The following SELENOF variants were observed in gnomAD, a reference collection of about 807,000 sequenced individuals.
SELENOF encodes the protein selenoprotein F.
Under a neutral mutation model 20.5 loss-of-function variants are expected in SELENOF, and 16 were observed. The observed-to-expected ratio is 0.78, with a 90% CI of 0.53 to 1.19. The LOEUF (loss-of-function observed/expected upper bound fraction) is 1.19. SELENOF is among the 50% of genes most tolerant of loss of function. SELENOF has a pLI of 0.00. For synonymous variants in SELENOF, 78 were observed against 74.5 expected, an observed-to-expected ratio of 1.05 and a Z score of -0.24; for missense variants, 215 against 194.2, an observed-to-expected ratio of 1.11 and a Z score of -0.64.
rs147763840 is a variant in SELENOF at position 86,909,897 on chromosome 1, C to T, written c.84+4131G>A. Among the ~76,000 whole-genome samples, 1,150 of 152,206 alleles carry T rather than the reference C, an allele frequency of 7.6e-3. 15 individuals are homozygous for T. The highest frequency in any genetic ancestry group is 0.02 in the Middle Eastern group (6 of 294). On this transcript the variant is annotated intron_variant, in intron 1 of 4. Transcript: ENST00000331835. ...GCGCGTGCCTGTAATCATAGCTACT[C>T]GGGAGGCTGATGCAGGAGAGTCGCT...
At chr1:86,914,340 G>A, upstream of SELENOF, 2 of 573,534 alleles carry the variant, frequency 3.5e-6, no homozygotes, top group South Asian at 2.1e-5. Flanking sequence ...CTTTACTTCT[G>A]CGGTCTCCTT....
At chr1:86,913,874 C>G (rs1660058013) in intron 1 of SELENOF, 154 bp downstream of exon 1, 2 of 682,730 alleles carry the variant, frequency 2.9e-6, no homozygotes, top group Non-Finnish European at 5.2e-6. Context: ...AAGGATCAAC[C>G]GAGAAATTAA....
chr1:86,913,931 TC>T, intron 1 of SELENOF, 96 bp downstream of exon 1: 1 of 1,173,876 alleles, frequency 8.5e-7, no homozygotes, highest in African/African-American at 1.5e-5. Context: ...AGCGCAGTCC[TC>T]CCCACCCTTT....
At chr1:86,866,576 T>G (rs905944675) in intron 4 of SELENOF, among the ~76,000 whole-genome samples, 6 of 152,124 alleles carry the variant, frequency 3.9e-5, no homozygotes, top group African/African-American at 1.4e-4. Context: ...AATACTGGAC[T>G]GTAGTACACT....
chr1:86,881,528 T>C (rs1659070088), intron 2 of SELENOF, among the ~76,000 whole-genome samples: 1 of 152,242 alleles, frequency 6.6e-6, no homozygotes, highest in Non-Finnish European at 1.5e-5. Context: ...GAACGTATCA[T>C]ATCCATTTCA....
intron 2 of SELENOF, among the ~76,000 whole-genome samples, chr1:86,893,458 A>G (rs569530208): frequency 1.6e-4 from 24 of 151,604 alleles, no homozygotes; most frequent in African/African-American, 4.8e-4. Context: ...TACAAAAAAA[A>G]AAAAAAAAAA....
At chr1:86,891,607 A>C (rs1419399093) in intron 2 of SELENOF, among the ~76,000 whole-genome samples, 1 of 152,210 alleles carries the variant, frequency 6.6e-6, no homozygotes, top group Non-Finnish European at 1.5e-5. Flanking sequence ...ATGTAAAAGA[A>C]CTGACTGCAT....
At chr1:86,896,899 T>TA (rs949482654) in intron 2 of SELENOF, among the ~76,000 whole-genome samples, 2 of 152,164 alleles carry the variant, frequency 1.3e-5, no homozygotes, top group African/African-American at 4.8e-5. Flanking sequence ...ACATAGCTTT[T>TA]AAAAAAATCA....
intron 2 of SELENOF, among the ~76,000 whole-genome samples, chr1:86,894,101 T>G (rs549502451): frequency 2.0e-4 from 30 of 152,040 alleles, no homozygotes; most frequent in Non-Finnish European, 3.8e-4. Flanking sequence ...CAGCCTATGC[T>G]TCTACTGGTA....
intron 2 of SELENOF, among the ~76,000 whole-genome samples, chr1:86,884,780 A>G (rs1659171052): frequency 6.6e-6 from 1 of 152,250 alleles, no homozygotes; most frequent in African/African-American, 2.4e-5. Context: ...GGCCTTTTTA[A>G]AAATACGAAT....
intron 1 of SELENOF, among the ~76,000 whole-genome samples, chr1:86,904,729 C>T (rs1659788011): frequency 6.6e-6 from 1 of 152,150 alleles, no homozygotes; most frequent in Non-Finnish European, 1.5e-5. Flanking sequence ...TACTACTCCA[C>T]AAAATTTGCC....
chr1:86,863,361 G>C lies in SELENOF; in HGVS notation c.*113C>G. On this transcript the variant is annotated 3_prime_UTR_variant, in exon 5 of 5. Transcript: ENST00000331835. The stretch of plus-strand genomic sequence containing the variant: ...TTCACGATTTAATTAGATATTTAAT[G>C]CCTCAAGTAAAAGACTGATCAATGG... The C allele has an allele frequency of 1.2e-6, 1 of 831,688 alleles. No homozygotes were observed. Among genetic ancestry groups the C allele is most frequent in the South Asian group, 2.0e-5 (1 of 49,360 alleles). The allele number at this position is 831,688 out of a possible 1,614,324, so 51.5% of individuals were successfully genotyped here. A position where few individuals can be genotyped will look rare whatever the true frequency, so the allele number is the denominator to read the frequency against.
In SELENOF at chr1:86,914,095, G is replaced by T. The variant is rs910808905; in HGVS notation, c.17C>A (p.Ala6Asp). 8 of 1,613,846 alleles carry T rather than the reference G, an allele frequency of 5.0e-6. No individual in the cohort carries two copies. Among genetic ancestry groups the T allele is most frequent in the African/African-American group, 1.3e-5 (1 of 74,916 alleles). MVAMA[A>D]GPSGCLVPAF... ...CGGCACCAGACACCCACTCGGCCCA[G>T]CCGCCATCGCTACCATTTTCCGCAG... The change falls in exon 1 of 5, where the codon GCT becomes GAT. Residue 6 changes from alanine (A) to aspartate (D), a missense_variant. By Grantham distance (126) the Ala-to-Asp change is moderately radical. Transcript: ENST00000331835.
intron 2 of SELENOF, among the ~76,000 whole-genome samples, chr1:86,881,068 T>C (rs545387146): frequency 6.9e-4 from 105 of 152,304 alleles, no homozygotes; most frequent in Non-Finnish European, 1.2e-3. Context: ...ACCTTTTTTT[T>C]AGGGTGATAA....
At chr1:86,897,304 G>GA (rs1420553088) in intron 2 of SELENOF, among the ~76,000 whole-genome samples, 2 of 152,086 alleles carry the variant, frequency 1.3e-5, no homozygotes, top group Admixed American at 1.3e-4. Flanking sequence ...GGGAGGGGTG[G>GA]AAAAAAATCC....
At chr1:86,912,989 G>A (rs1473267819) in intron 1 of SELENOF, among the ~76,000 whole-genome samples, 1 of 152,148 alleles carries the variant, frequency 6.6e-6, no homozygotes, top group African/African-American at 2.4e-5. Flanking sequence ...AAAGTTTAGG[G>A]AGAGGTGATC....
chr1:86,864,370 T>C (rs1056612570), intron 4 of SELENOF, among the ~76,000 whole-genome samples: 4 of 152,198 alleles, frequency 2.6e-5, no homozygotes, highest in African/African-American at 9.6e-5. Flanking sequence ...AGAGATCAAA[T>C]ATCCAATTTT....
intron 1 of SELENOF, among the ~76,000 whole-genome samples, chr1:86,912,646 C>A (rs1012698208): frequency 6.6e-6 from 1 of 152,114 alleles, no homozygotes; most frequent in Non-Finnish European, 1.5e-5. Flanking sequence ...GTCTAGCCGA[C>A]TGGAGGATGA....
rs1373298430 is a variant in SELENOF, at chr1:86,871,861, C to CTCTA, written c.317-3763_317-3760dup. On this transcript the variant is annotated intron_variant, in intron 3 of 4. Transcript: ENST00000331835. ...GATCACATTGTAATCACCTCATGTG[C>CTCTA]TCTATAGCTGCATGAGTCATTAAAT... 2.2e-4 allele frequency among the ~76,000 whole-genome samples: 34 copies of CTCTA among 152,250 alleles called. 2 individuals are homozygous for CTCTA. Among genetic ancestry groups the CTCTA allele is most frequent in the Admixed American group, 2.2e-3 (34 of 15,282 alleles).
Sources: gnomAD v4.1 joint callset for allele counts (sites outside exome capture counted in the v4.1 genomes callset) on GRCh38, gnomAD v4.1.1 for gene constraint, MANE v1.5 for transcripts, NCBI Gene and HGNC (gene_info 2026-07-23, HGNC 2026-07-21) for gene names.